The following IDI1 variants were observed in gnomAD, a reference collection of about 807,000 sequenced individuals.
The protein encoded by IDI1 is isopentenyl-diphosphate delta isomerase 1, also known as isopentenyl-diphosphate Delta-isomerase 1.
IDI1 carries 23 observed loss-of-function variants against 32.9 expected under a neutral mutation model. The ratio of observed to expected loss-of-function variants is 0.70; its 90% confidence interval spans 0.50 to 0.99. The LOEUF is 0.99. Ranked by LOEUF, IDI1 falls within the 50% of genes least tolerant of loss-of-function variation. IDI1 has a pLI of 0.00. For missense variants in IDI1, 326 were observed against 351.9 expected (o/e 0.93, Z 0.59); for synonymous variants, 133 against 128.2 (o/e 1.04, Z -0.25).
At chr10:1,045,206 G>A (rs1181391650) in intron 1 of IDI1, among the ~76,000 whole-genome samples, 1 of 152,192 alleles carries the variant, frequency 6.6e-6, no homozygotes, top group African/African-American at 2.4e-5. Context: ...ACAACGTAAA[G>A]CACTTATTAG....
chr10:1,051,098 A>G (rs1490118329), upstream of IDI1, among the ~76,000 whole-genome samples: 1 of 152,138 alleles, frequency 6.6e-6, no homozygotes, highest in African/African-American at 2.4e-5. Flanking sequence ...TCGAATGCCT[A>G]TTTTCCTGTG....
In IDI1 at chr10:1,040,407, C is replaced by G. The variant is rs1440787243; in HGVS notation, c.*780G>C. ...CCCCACCACAGGGGTTTTATCCAGC[C>G]CAAATGTCAACAGTGTCAAGTTTAA... On this transcript the variant is annotated 3_prime_UTR_variant, in exon 5 of 5. Coordinates refer to ENST00000381344, the MANE Select transcript of IDI1 (RefSeq NM_004508.4). 6.6e-6 allele frequency: 1 copy of G among 152,250 alleles called. No homozygotes were observed. Among genetic ancestry groups the G allele is most frequent in the East Asian group, 1.9e-4 (1 of 5,192 alleles). 9.4% of individuals were successfully genotyped at this position (152,250 alleles called of 1,614,324 possible). A position where few individuals can be genotyped will look rare whatever the true frequency, so the allele number is the denominator to read the frequency against.
rs76975681 is a variant in IDI1 at position 1,040,932 on chromosome 10, G to T, written c.*255C>A. ...AGATTAAATTAAGTTTTATTTGCTC[G>T]CTCTCATTTTACAATAATCTCTCAC... On this transcript the variant is annotated 3_prime_UTR_variant, in exon 5 of 5. Coordinates refer to ENST00000381344, the MANE Select transcript of IDI1 (RefSeq NM_004508.4). The T allele has an allele frequency of 0.026, 8,991 of 343,672 alleles. 595 individuals are homozygous for T. The highest frequency in any genetic ancestry group is 0.15 in the African/African-American group (7,350 of 47,566). 21.3% of individuals were successfully genotyped at this position (343,672 alleles called of 1,614,324 possible). A position where few individuals can be genotyped will look rare whatever the true frequency, so the allele number is the denominator to read the frequency against.
chr10:1,042,575 C>T, intron 4 of IDI1, 57 bp downstream of exon 4: 1 of 1,581,668 alleles, frequency 6.3e-7, no homozygotes, highest in Non-Finnish European at 8.7e-7. Flanking sequence ...TTATTAAAAA[C>T]CTTTTTATAG....
At chr10:1,051,056 T>G (rs1440130492), upstream of IDI1, among the ~76,000 whole-genome samples, 1 of 152,254 alleles carries the variant, frequency 6.6e-6, no homozygotes, top group Non-Finnish European at 1.5e-5. Context: ...TTTGTACTTG[T>G]TACATTAAAA....
chr10:1,041,809 C>CTTTTT, intron 4 of IDI1, among the ~76,000 whole-genome samples: 1 of 134,720 alleles, frequency 7.4e-6, no homozygotes, highest in Non-Finnish European at 1.6e-5. Flanking sequence ...TCTTTTTCTT[C>CTTTTT]TTTTTTTTTT....
upstream of IDI1, among the ~76,000 whole-genome samples, chr10:1,053,753 AG>A (rs1833073494): frequency 6.7e-6 from 1 of 149,136 alleles, no homozygotes; most frequent in African/African-American, 2.5e-5. Context: ...TTTTTGAGTC[AG>A]GGTCTTGCTT....
chr10:1,050,368 C>G (rs1474213774), upstream of IDI1, among the ~76,000 whole-genome samples: 3 of 152,150 alleles, frequency 2.0e-5, no homozygotes, highest in Non-Finnish European at 4.4e-5. Flanking sequence ...GTCCTCACTG[C>G]TGTCAGTGCG....
rs1443576227 is a variant in IDI1, at chr10:1,043,739, T to C, written c.313+260A>G. On this transcript the variant is annotated intron_variant, in intron 2 of 4. Transcript: ENST00000381344. The stretch of plus-strand genomic sequence containing the variant: ...GAAATATTAGAGGCTAGGCTGCTGC[T>C]GTATGTCAGGGCTAGTCCCTCTTCT... 2.0e-5 allele frequency: 13 copies of C among 660,070 alleles called. No individual in the cohort carries two copies. In the Admixed American group the frequency reaches 2.7e-4, roughly 14 times the overall value. 40.9% of individuals were successfully genotyped at this position (660,070 alleles called of 1,614,324 possible).
intron 1 of IDI1, among the ~76,000 whole-genome samples, chr10:1,045,650 A>G (rs1832779529): frequency 6.6e-6 from 1 of 152,256 alleles, no homozygotes; most frequent in African/African-American, 2.4e-5. Flanking sequence ...TATTTTTAGT[A>G]GAGACGAAGT....
At chr10:1,053,846 C>T (rs1311375274), upstream of IDI1, among the ~76,000 whole-genome samples, 2 of 151,858 alleles carry the variant, frequency 1.3e-5, no homozygotes, top group African/African-American at 2.4e-5. Context: ...CCTCCTGCTT[C>T]AGTCTCCCAA....
At chr10:1,048,439 G>A in intron 1 of IDI1, 1 of 1,282,284 alleles carries the variant, frequency 7.8e-7, no homozygotes, top group Admixed American at 2.5e-5. Context: ...CGTGGACTCG[G>A]CACGGGGAGG....
the IDI1 span, chr10:1,056,646 C>T: frequency 6.6e-6 from 1 of 152,234 alleles, no homozygotes; most frequent in African/African-American, 2.4e-5. Context: ...GGGCGTTGGC[C>T]CAGCAGCCGA....
chr10:1,049,189 C>G, upstream of IDI1: 1 of 997,120 alleles, frequency 1.0e-6, no homozygotes. Context: ...GCAGAGGCAG[C>G]GTCCCGCGAC....
rs1229295023 is a variant in IDI1 at position 1,048,346 on chromosome 10, T to C, written c.140+518A>G. On this transcript the variant is annotated intron_variant, in intron 1 of 4. Coordinates refer to ENST00000381344, the MANE Select transcript of IDI1 (RefSeq NM_004508.4). ...ATGCGATGCTCCCCATCTCTTCTCC[T>C]GCTCCATTCCCAGGAGAAGCGCCTT... The C allele has an allele frequency of 1.0e-5, 13 of 1,304,930 alleles. No individual in the cohort carries two copies. The South Asian group carries it at 1.5e-4, about 15-fold the overall frequency. The allele number at this position is 1,304,930 out of a possible 1,614,324, so 80.8% of individuals were successfully genotyped here. A position where few individuals can be genotyped will look rare whatever the true frequency, so the allele number is the denominator to read the frequency against.
At chr10:1,052,351 C>T (rs1430136401), upstream of IDI1, among the ~76,000 whole-genome samples, 2 of 152,232 alleles carry the variant, frequency 1.3e-5, no homozygotes, top group Admixed American at 6.5e-5. Context: ...ACTGCTTATC[C>T]ATTCATGTTT....
intron 1 of IDI1, chr10:1,048,533 C>T: frequency 7.8e-7 from 1 of 1,287,556 alleles, no homozygotes; most frequent in Middle Eastern, 3.1e-4. Flanking sequence ...AACTCTTAGT[C>T]TCCTGCGACT....
intron 4 of IDI1, 98 bp from the exon 5 acceptor site, chr10:1,041,602 C>A (rs144559699): frequency 2.6e-5 from 16 of 611,858 alleles, no homozygotes; most frequent in Non-Finnish European, 4.4e-5. Context: ...TCTCGAACAG[C>A]AGTATAGTTT....
chr10:1,048,991 G>T lies in IDI1; in HGVS notation c.13C>A (p.Leu5Met). The T allele has an allele frequency of 6.6e-7, 1 of 1,513,070 alleles. No homozygotes were observed. The allele number at this position is 1,513,070 out of a possible 1,614,324, so 93.7% of individuals were successfully genotyped here. A position where few individuals can be genotyped will look rare whatever the true frequency, so the allele number is the denominator to read the frequency against. ...CAGCCAATCGCTCGCGCCAGCGCCA[G>T]TCCACGCCACATCGCCCGGCCAATT... MWRGLALARAIGCAA... is the reference protein window; with the variant it reads MWRGMALARAIGCAA... The change falls in exon 1 of 5, where the codon CTG becomes ATG. Residue 5 changes from leucine to methionine, a missense_variant. Coordinates refer to ENST00000381344, the MANE Select transcript of IDI1 (RefSeq NM_004508.4).
Sources: allele counts gnomAD v4.1 joint callset (sites outside exome capture counted in the v4.1 genomes callset), GRCh38; gene constraint gnomAD v4.1.1; transcripts MANE v1.5; gene names NCBI Gene and HGNC (gene_info 2026-07-23, HGNC 2026-07-21).